Variants in SMYD3 observed in about 807,000 individuals in gnomAD.
The protein encoded by SMYD3 is histone-lysine N-methyltransferase SMYD3.
Under a neutral mutation model 57.7 loss-of-function variants are expected in SMYD3, and 36 were observed. That is an observed-to-expected ratio of 0.62 (90% CI 0.48 to 0.82). The LOEUF (loss-of-function observed/expected upper bound fraction) is 0.82, where lower values mean the gene tolerates loss of function less well. Among genes scored for constraint, SMYD3 ranks in the 40% least tolerant of loss-of-function variants. SMYD3 has a pLI of 0.00. For synonymous variants in SMYD3, 211 were observed against 195.0 expected, an observed-to-expected ratio of 1.08 and a Z score of -0.68; for missense variants, 515 against 538.8, an observed-to-expected ratio of 0.96 and a Z score of 0.44.
chr1:246,180,369 T>C (rs1362428720), intron 5 of SMYD3, among the ~76,000 whole-genome samples: 1 of 147,604 alleles, frequency 6.8e-6, no homozygotes, highest in Middle Eastern at 3.3e-3. Context: ...TAAGTATATA[T>C]ATAAACTACC....
At chr1:246,321,537 G>A (rs1321677610) in intron 5 of SMYD3, 1 of 151,950 alleles carries the variant, frequency 6.6e-6, no homozygotes, top group African/African-American at 2.4e-5. Context: ...TTTTGAGTTG[G>A]GGTCTCACTC....
At chr1:246,108,946 T>A (rs578137297) in intron 5 of SMYD3, among the ~76,000 whole-genome samples, 9 of 152,350 alleles carry the variant, frequency 5.9e-5, no homozygotes, top group African/African-American at 1.9e-4. Flanking sequence ...TAATGCACCA[T>A]CTTCTGTGTA....
At chr1:245,840,364 G>A (rs372015681) in intron 10 of SMYD3, among the ~76,000 whole-genome samples, 2 of 152,096 alleles carry the variant, frequency 1.3e-5, no homozygotes, top group Non-Finnish European at 1.5e-5. Flanking sequence ...CAGATCTTAC[G>A]AGACCGTGTA....
chr1:246,268,661 G>A (rs543018304), intron 5 of SMYD3, among the ~76,000 whole-genome samples: 4 of 151,938 alleles, frequency 2.6e-5, no homozygotes, highest in East Asian at 1.9e-4. Flanking sequence ...CCAAGATCTC[G>A]CCACTGCACA....
intron 10 of SMYD3, among the ~76,000 whole-genome samples, chr1:245,774,951 C>CCTCG (rs1313695189): frequency 6.6e-6 from 1 of 152,170 alleles, no homozygotes; most frequent in Non-Finnish European, 1.5e-5. Flanking sequence ...GATCCGCCAG[C>CCTCG]CTCGGCCTCC....
At chr1:246,321,728 C>G (rs1183969893) in intron 5 of SMYD3, 2 of 152,054 alleles carry the variant, frequency 1.3e-5, no homozygotes, top group Non-Finnish European at 2.9e-5. Context: ...AATCAGTACA[C>G]CGAATCACAG....
intron 5 of SMYD3, among the ~76,000 whole-genome samples, chr1:245,979,723 G>A (rs1053533053): frequency 3.9e-5 from 6 of 152,098 alleles, no homozygotes; most frequent in Non-Finnish European, 7.3e-5. Flanking sequence ...ATGTCACCAT[G>A]GCCGTTTTAA....
intron 5 of SMYD3, among the ~76,000 whole-genome samples, chr1:246,229,906 AT>A (rs2063386145): frequency 6.6e-6 from 1 of 152,238 alleles, no homozygotes; most frequent in African/African-American, 2.4e-5. Context: ...TACTAGAAGT[AT>A]TTTAATGTGT....
At chr1:246,436,239 A>C (rs1180024285) in intron 1 of SMYD3, among the ~76,000 whole-genome samples, 1 of 151,870 alleles carries the variant, frequency 6.6e-6, no homozygotes, top group African/African-American at 2.4e-5. Context: ...AAAAGAACCT[A>C]ATCTTCCTTC....
intron 5 of SMYD3, among the ~76,000 whole-genome samples, chr1:246,048,007 C>G (rs1349779071): frequency 6.6e-6 from 1 of 152,036 alleles, no homozygotes; most frequent in Non-Finnish European, 1.5e-5. Context: ...AAGTGACATC[C>G]TAGCGAAAAT....
intron 10 of SMYD3, among the ~76,000 whole-genome samples, chr1:245,765,497 C>G (rs1323778191): frequency 4.6e-5 from 7 of 152,092 alleles, no homozygotes; most frequent in Non-Finnish European, 7.4e-5. Flanking sequence ...GATTTAGCGC[C>G]CAAATAAGGC....
At chr1:246,405,970 T>G (rs115381604) in intron 1 of SMYD3, among the ~76,000 whole-genome samples, 9,997 of 148,704 alleles carry the variant, frequency 0.067, 504 homozygotes, top group Middle Eastern at 0.18. Flanking sequence ...TTAGACGGTT[T>G]GAGCCTGAAT....
intron 5 of SMYD3, among the ~76,000 whole-genome samples, chr1:246,017,164 CTT>C (rs767099319): frequency 6.6e-6 from 1 of 151,462 alleles, no homozygotes; most frequent in African/African-American, 2.4e-5. Context: ...AATTTTTATT[CTT>C]TTTTTTTATT....
chr1:245,986,832 C>T (rs375357431), intron 5 of SMYD3, among the ~76,000 whole-genome samples: 3 of 152,284 alleles, frequency 2.0e-5, no homozygotes, highest in East Asian at 3.9e-4. Context: ...TAGTTAAAAT[C>T]GTGCCTTACA....
intron 5 of SMYD3, among the ~76,000 whole-genome samples, chr1:246,251,542 G>C (rs2063800950): frequency 1.2e-5 from 1 of 83,150 alleles, no homozygotes; most frequent in African/African-American, 4.6e-5. Context: ...AGGTGCCGCG[G>C]ACACTGTGCC....
chr1:245,869,528 A>T (rs1345018173), intron 8 of SMYD3, among the ~76,000 whole-genome samples: 2 of 152,192 alleles, frequency 1.3e-5, no homozygotes, highest in African/African-American at 4.8e-5. Flanking sequence ...GCCCCGGAGA[A>T]GTCCTTCAAA....
chr1:245,884,567 A>G (rs555076382), intron 8 of SMYD3, among the ~76,000 whole-genome samples: 2 of 152,162 alleles, frequency 1.3e-5, no homozygotes, highest in East Asian at 3.9e-4. Flanking sequence ...ATCTTTTATT[A>G]TGCAGGTATC....
chr1:246,124,410 T>C (rs2148039094), intron 5 of SMYD3, among the ~76,000 whole-genome samples: 1 of 152,324 alleles, frequency 6.6e-6, no homozygotes, highest in Non-Finnish European at 1.5e-5. Context: ...TGTACGAGTT[T>C]TTTTTAAGGT....
At chr1:246,274,083 G>T (rs866905176) in intron 5 of SMYD3, among the ~76,000 whole-genome samples, 3 of 152,082 alleles carry the variant, frequency 2.0e-5, no homozygotes, top group African/African-American at 7.2e-5. Flanking sequence ...ACTTTCCTCA[G>T]ATTCATAACT....
Sources: allele counts gnomAD v4.1 joint callset (sites outside exome capture counted in the v4.1 genomes callset), GRCh38; gene constraint gnomAD v4.1.1; transcripts MANE v1.5; gene names NCBI Gene and HGNC (gene_info 2026-07-23, HGNC 2026-07-21).